LHFPL3: variants seen among roughly 807,000 people sequenced by gnomAD.
The protein encoded by LHFPL3 is LHFPL tetraspan subfamily member 3.
In LHFPL3, 5 loss-of-function variants were observed where a neutral mutation model predicts 19.3. The observed-to-expected ratio is 0.26, with a 90% CI of 0.14 to 0.54. The LOEUF (loss-of-function observed/expected upper bound fraction) is 0.54, where lower values mean the gene tolerates loss of function less well. LHFPL3 is among the 20% of genes least tolerant of loss of function. The pLI is 0.94. For synonymous variants in LHFPL3, 133 were observed against 126.2 expected (o/e 1.05, Z -0.36); for missense variants, 249 against 307.4 (o/e 0.81, Z 1.42).
chr7:104,798,872 C>T (rs563592855), intron 2 of LHFPL3, among the ~76,000 whole-genome samples: 1 of 152,228 alleles, frequency 6.6e-6, no homozygotes, highest in Non-Finnish European at 1.5e-5. Context: ...TGGCTCTGAC[C>T]TGTGTATATC....
At chr7:104,454,748 C>T (rs1212361266) in intron 1 of LHFPL3, among the ~76,000 whole-genome samples, 1 of 152,170 alleles carries the variant, frequency 6.6e-6, no homozygotes, top group Non-Finnish European at 1.5e-5. Context: ...CCTTCTCTAC[C>T]ATCTTTCCTC....
At chr7:104,673,141 A>T (rs941598460) in intron 1 of LHFPL3, among the ~76,000 whole-genome samples, 3 of 152,202 alleles carry the variant, frequency 2.0e-5, no homozygotes, top group African/African-American at 7.2e-5. Flanking sequence ...TAGGCTTTAT[A>T]GTTTTTAATG....
At chr7:104,389,423 T>G (rs769800213) in intron 1 of LHFPL3, among the ~76,000 whole-genome samples, 1 of 152,176 alleles carries the variant, frequency 6.6e-6, no homozygotes, top group Non-Finnish European at 1.5e-5. Context: ...CGACATAATA[T>G]GAAGATGGCA....
chr7:104,836,770 G>C (rs988425066), intron 2 of LHFPL3, among the ~76,000 whole-genome samples: 4 of 152,100 alleles, frequency 2.6e-5, no homozygotes, highest in African/African-American at 9.7e-5. Flanking sequence ...TTAACTTTTG[G>C]GGTGTACAAC....
rs1584393249 is a variant in LHFPL3 at position 104,546,954 on chromosome 7, A to AAATAT, written c.446-189721_446-189720insAATAT. ...CAAGCTCTTAAGAAATAGTAGCTCA[A>AAATAT]GGCCGGGCGCGGTGGCTCACGCCTG... On this transcript the variant is annotated intron_variant, in intron 1 of 2. Coordinates refer to ENST00000424859, the MANE Select transcript of LHFPL3 (RefSeq NM_199000.3). Among the ~76,000 whole-genome samples, 379 of 106,644 alleles carry AAATAT rather than the reference A, an allele frequency of 3.6e-3. 34 individuals are homozygous for AAATAT. Among genetic ancestry groups the AAATAT allele is most frequent in the South Asian group, 5.9e-3 (21 of 3,586 alleles). The allele number at this position is 106,644 out of a possible 152,430, so 70.0% of individuals were successfully genotyped here. A position where few individuals can be genotyped will look rare whatever the true frequency, so the allele number is the denominator to read the frequency against.
chr7:104,512,245 G>A (rs1316255982), intron 1 of LHFPL3, among the ~76,000 whole-genome samples: 1 of 151,786 alleles, frequency 6.6e-6, no homozygotes, highest in African/African-American at 2.4e-5. Context: ...ATGAGCCACA[G>A]CATCTGGCCC....
intron 2 of LHFPL3, among the ~76,000 whole-genome samples, chr7:104,825,901 C>T (rs1790809115): frequency 1.3e-5 from 2 of 151,844 alleles, no homozygotes; most frequent in Admixed American, 1.3e-4. Context: ...CCCACCCGAC[C>T]ACTTTTGTTT....
chr7:104,369,612 T>C (rs1200968686), intron 1 of LHFPL3, among the ~76,000 whole-genome samples: 1 of 152,250 alleles, frequency 6.6e-6, no homozygotes, highest in Admixed American at 6.5e-5. Context: ...CTAAACTATT[T>C]TCTGGAGTGG....
chr7:104,490,434 T>A (rs1422841734), intron 1 of LHFPL3, among the ~76,000 whole-genome samples: 1 of 152,096 alleles, frequency 6.6e-6, no homozygotes, highest in African/African-American at 2.4e-5. Context: ...TAAATAATGA[T>A]CCCTCTTCAG....
chr7:104,697,767 AG>A (rs1793025111), intron 1 of LHFPL3, among the ~76,000 whole-genome samples: 1 of 152,190 alleles, frequency 6.6e-6, no homozygotes, highest in African/African-American at 2.4e-5. Context: ...CTTAAGTATA[AG>A]GGGGAAAAAA....
chr7:104,374,208 A>ATATGTGTGTG, intron 1 of LHFPL3, among the ~76,000 whole-genome samples: 1 of 147,154 alleles, frequency 6.8e-6, no homozygotes, highest in East Asian at 2.0e-4. Flanking sequence ...CTATCTATAT[A>ATATGTGTGTG]TGTGTGTGTG....
At position 104,697,907 on chromosome 7, in the gene LHFPL3, G is replaced by C. The variant is rs552366585; in HGVS notation, c.446-38768G>C. Among the ~76,000 whole-genome samples, 38 of 152,260 alleles carry C rather than the reference G, an allele frequency of 2.5e-4. No individual in the cohort carries two copies. The South Asian group carries it at 6.4e-3, about 26-fold the overall frequency. ...GCACATTGATTCCTTCTGAAATTCT[G>C]TTTTGTCTTCTATGACTTTCAATTT... is the stretch of plus-strand genomic sequence containing the variant. On this transcript the variant is annotated intron_variant, in intron 1 of 2. Transcript: ENST00000424859.
chr7:104,859,452 T>A (rs931582638), intron 2 of LHFPL3, among the ~76,000 whole-genome samples: 1 of 152,012 alleles, frequency 6.6e-6, no homozygotes, highest in Non-Finnish European at 1.5e-5. Context: ...GCGGATCACT[T>A]GAGGTCAGGA....
Position 104,328,636 on chromosome 7 carries a change from A to G in LHFPL3, c.-144A>G. On this transcript the variant is annotated 5_prime_UTR_variant, in exon 1 of 3. Coordinates refer to ENST00000424859, the MANE Select transcript of LHFPL3 (RefSeq NM_199000.3). The surrounding 1 kb of genome is among the most constrained non-coding windows in gnomAD (Gnocchi z 4.6). Reference sequence around the variant, plus strand: ...GCCCTCCTTCCGGGAGCGAGGATGCAGACTCTGAAACTGGTGCTGCTGGGC... The same window carrying G: ...GCCCTCCTTCCGGGAGCGAGGATGCGGACTCTGAAACTGGTGCTGCTGGGC... 1 of 716,190 alleles carries G rather than the reference A, an allele frequency of 1.4e-6. No homozygotes were observed. The highest frequency in any genetic ancestry group is 2.3e-6 in the Non-Finnish European group (1 of 435,236). The allele number at this position is 716,190 out of a possible 1,614,324, so 44.4% of individuals were successfully genotyped here.
At chr7:104,449,489 C>G (rs1792390851) in intron 1 of LHFPL3, among the ~76,000 whole-genome samples, 1 of 152,098 alleles carries the variant, frequency 6.6e-6, no homozygotes, top group Admixed American at 6.5e-5. Flanking sequence ...AAAATAGAAT[C>G]TCATAAGGAG....
chr7:104,547,242 C>CAAAAAAAAAAAAAAAAAAAA (rs59524599), intron 1 of LHFPL3, among the ~76,000 whole-genome samples: 1 of 9,638 alleles, frequency 1.0e-4, no homozygotes, highest in African/African-American at 3.3e-4. Context: ...GACTCCGTCT[C>CAAAAAAAAAAAAAAAAAAAA]AAAAAAAAAA....
intron 2 of LHFPL3, among the ~76,000 whole-genome samples, chr7:104,848,648 AAGG>A (rs1791358045): frequency 2.3e-5 from 2 of 87,674 alleles, no homozygotes; most frequent in South Asian, 3.0e-4. Flanking sequence ...AGGAAGGGAA[AAGG>A]AGAAGGGGAA....
chr7:104,536,925 A>C (rs888260146), intron 1 of LHFPL3, among the ~76,000 whole-genome samples: 6 of 152,158 alleles, frequency 3.9e-5, no homozygotes, highest in Non-Finnish European at 8.8e-5. Flanking sequence ...TCCTTCTCCT[A>C]TATTCTTTCC....
At chr7:104,401,842 G>A (rs1791317784) in intron 1 of LHFPL3, among the ~76,000 whole-genome samples, 1 of 152,096 alleles carries the variant, frequency 6.6e-6, no homozygotes, top group Non-Finnish European at 1.5e-5. Flanking sequence ...CTCATTAAGA[G>A]AAACATTCAG....
Sources: allele counts gnomAD v4.1 joint callset (sites outside exome capture counted in the v4.1 genomes callset), GRCh38; gene constraint gnomAD v4.1.1; non-coding constraint Gnocchi (gnomAD v3.1); transcripts MANE v1.5; gene names NCBI Gene and HGNC (gene_info 2026-07-23, HGNC 2026-07-21).